CLEC4C: variants seen among roughly 807,000 people sequenced by gnomAD.
CLEC4C encodes C-type (calcium dependent, carbohydrate-recognition domain) lectin, superfamily member 11.
CLEC4C carries 17 observed loss-of-function variants against 27.7 expected under a neutral mutation model. The observed-to-expected ratio is 0.61, with a 90% CI of 0.42 to 0.92. The LOEUF (loss-of-function observed/expected upper bound fraction) is 0.92, where lower values mean the gene tolerates loss of function less well. Among genes scored for constraint, CLEC4C ranks in the 40% least tolerant of loss-of-function variants. CLEC4C has a pLI of 0.00. For missense variants in CLEC4C, 244 were observed against 257.3 expected (o/e 0.95, Z 0.35); for synonymous variants, 80 against 80.8 (o/e 0.99, Z 0.06).
intron 2 of CLEC4C, among the ~76,000 whole-genome samples, chr12:7,745,424 CTTTTTTT>C (rs140956970): frequency 1.0e-4 from 5 of 48,180 alleles, no homozygotes; most frequent in South Asian, 1.4e-3. Context: ...TCAGTCTATG[CTTTTTTT>C]TTTTTTTTTT....
chr12:7,746,282 T>A, intron 2 of CLEC4C, 49 bp downstream of exon 2: 1 of 1,024,390 alleles, frequency 9.8e-7, no homozygotes, highest in Non-Finnish European at 1.5e-6. Context: ...TGATAAAATG[T>A]GATTGGGAAA....
At position 7,732,394 on chromosome 12, in the gene CLEC4C, C is replaced by T. The variant is rs201223231; in HGVS notation, c.382-1482G>A. Among the ~76,000 whole-genome samples, 4 of 151,316 alleles carry T rather than the reference C, an allele frequency of 2.6e-5. No individual in the cohort carries two copies. The East Asian group carries it at 5.9e-4, about 22-fold the overall frequency. ...TTGAGATGGAGTCTCACTCTGTCGC[C>T]AGGCTGGAGTGCAGTGGTGTGATCT... is the stretch of plus-strand genomic sequence containing the variant. On this transcript the variant is annotated intron_variant, in intron 4 of 5. Coordinates refer to ENST00000360345, the MANE Select transcript of CLEC4C (RefSeq NM_001371390.1).
Position 7,729,661 on chromosome 12 carries a change from A to T in CLEC4C, c.577T>A (p.Trp193Arg), listed in dbSNP as rs754055318. 2 of 1,613,782 alleles carry T rather than the reference A, an allele frequency of 1.2e-6. No individual in the cohort carries two copies. The highest frequency in any genetic ancestry group is 1.7e-6 in the Non-Finnish European group (2 of 1,179,654). The part of the protein sequence containing the change: ...INFRSSEEWG[W>R]NDIHCHVPQK... ...GGTACATGACAGTGAATGTCATTCC[A>T]GCCCCATTCTTCTGAAGAACGGAAA... Residue 193 changes from tryptophan to arginine, a missense_variant, in exon 6 of 6, where the codon TGG becomes AGG. Trp to Arg is a moderately radical substitution (Grantham distance 101). Transcript: ENST00000360345.
intron 3 of CLEC4C, among the ~76,000 whole-genome samples, chr12:7,739,042 T>C (rs1006112046): frequency 2.7e-5 from 4 of 147,790 alleles, no homozygotes; most frequent in African/African-American, 9.9e-5. Context: ...TTCCCACCAG[T>C]AGTTTTGAAA....
chr12:7,748,057 G>A (rs1029792252), upstream of CLEC4C, among the ~76,000 whole-genome samples: 2 of 152,078 alleles, frequency 1.3e-5, no homozygotes, highest in Non-Finnish European at 2.9e-5. Context: ...CACGTGCCCG[G>A]CCACTGCTGA....
intron 4 of CLEC4C, among the ~76,000 whole-genome samples, chr12:7,733,607 G>A (rs991061456): frequency 2.7e-5 from 4 of 147,170 alleles, no homozygotes; most frequent in African/African-American, 5.0e-5. Flanking sequence ...TCAGCCTCCC[G>A]AGTAGCTGGA....
Position 7,729,448 on chromosome 12 carries a change from A to T in CLEC4C, c.*148T>A, listed in dbSNP as rs1864537377. 1 of 628,342 alleles carries T rather than the reference A, an allele frequency of 1.6e-6. No individual in the cohort carries two copies. The highest frequency in any genetic ancestry group is 2.0e-5 in the South Asian group (1 of 49,108). The allele number at this position is 628,342 out of a possible 1,614,324, so 38.9% of individuals were successfully genotyped here. A position where few individuals can be genotyped will look rare whatever the true frequency, so the allele number is the denominator to read the frequency against. On this transcript the variant is annotated 3_prime_UTR_variant, in exon 6 of 6. Coordinates refer to ENST00000360345, the MANE Select transcript of CLEC4C (RefSeq NM_001371390.1). ...AATGAATAAATGAATGTGTGAATGG[A>T]TTATATCATAAGTGTAATAGGTGAC... is the stretch of plus-strand genomic sequence containing the variant.
intron 4 of CLEC4C, among the ~76,000 whole-genome samples, chr12:7,737,155 C>A (rs1050996325): frequency 6.6e-6 from 1 of 151,928 alleles, no homozygotes; most frequent in African/African-American, 2.4e-5. Flanking sequence ...CACTTGACCC[C>A]GGGAGGCGGA....
chr12:7,740,872 G>A (rs995315141), intron 3 of CLEC4C, among the ~76,000 whole-genome samples: 3 of 145,574 alleles, frequency 2.1e-5, no homozygotes, highest in African/African-American at 7.6e-5. Context: ...ACGGAGTCTC[G>A]CTCTGTCACC....
chr12:7,739,152 G>A (rs560562315), intron 3 of CLEC4C, among the ~76,000 whole-genome samples: 1 of 151,244 alleles, frequency 6.6e-6, no homozygotes, highest in Non-Finnish European at 1.5e-5. Context: ...TCGCTCTGTC[G>A]CCCAGGCTGG....
At chr12:7,742,492 T>C (rs1463221547) in intron 2 of CLEC4C, among the ~76,000 whole-genome samples, 1 of 123,740 alleles carries the variant, frequency 8.1e-6, no homozygotes, top group African/African-American at 3.1e-5. Context: ...GCCTGGGCAA[T>C]AGAGCCAGAC....
In CLEC4C at chr12:7,746,334, C is replaced by G; in HGVS notation, c.121G>C (p.Val41Leu). Residue 41 changes from valine (V) to leucine (L), a missense_variant, in exon 2 of 6, where the codon GTG becomes CTG. Transcript: ENST00000360345. ...LLSVCFTVSSVVPHNFMYSKT... is the reference protein window; with the variant it reads ...LLSVCFTVSSLVPHNFMYSKT... ...TGCACTCCAGCCAAGAACTTACCCA[C>G]AGAACTCACAGTGAAACAGACACTG... is the stretch of plus-strand genomic sequence containing the variant. 1 of 1,608,224 alleles carries G rather than the reference C, an allele frequency of 6.2e-7. No homozygotes were observed. Among genetic ancestry groups the G allele is most frequent in the African/African-American group, 1.3e-5 (1 of 74,806 alleles).
chr12:7,738,833 A>T (rs1864786735), intron 3 of CLEC4C, among the ~76,000 whole-genome samples: 4 of 152,000 alleles, frequency 2.6e-5, no homozygotes, highest in Admixed American at 2.0e-4. Context: ...GTTTTTAATT[A>T]TACTTTAAGT....
chr12:7,732,196 A>C (rs1173803381), intron 4 of CLEC4C, among the ~76,000 whole-genome samples: 2 of 151,890 alleles, frequency 1.3e-5, no homozygotes, highest in Non-Finnish European at 2.9e-5. Context: ...TGCCTGGTTA[A>C]TTTTTGTATT....
At chr12:7,734,205 T>C (rs1415798122) in intron 4 of CLEC4C, among the ~76,000 whole-genome samples, 2 of 152,210 alleles carry the variant, frequency 1.3e-5, no homozygotes, top group South Asian at 2.1e-4. Flanking sequence ...CATTCATTCA[T>C]TGAACATTCA....
In CLEC4C at chr12:7,745,600, T is replaced by G. The variant is rs185788656; in HGVS notation, c.124+731A>C. Among the ~76,000 whole-genome samples, 145 of 151,450 alleles carry G rather than the reference T, an allele frequency of 9.6e-4. 2 individuals carry two copies. The highest frequency in any genetic ancestry group is 1.1e-3 in the Non-Finnish European group (76 of 67,880). On this transcript the variant is annotated intron_variant, in intron 2 of 5. Transcript: ENST00000360345. ...GGCGCGAGTCACTGCACCCAGCTAATTTTTGTATTTTTAGTAGAGACAGGG... is the reference window on the plus strand; with the variant it reads ...GGCGCGAGTCACTGCACCCAGCTAAGTTTTGTATTTTTAGTAGAGACAGGG...
chr12:7,746,551 G>A (rs775307056), intron 1 of CLEC4C, 128 bp from the exon 2 acceptor site: 2 of 612,182 alleles, frequency 3.3e-6, no homozygotes, highest in South Asian at 4.1e-5. Flanking sequence ...CAGAAAAAAT[G>A]TGAAAGCAAA....
chr12:7,729,489 T>C lies in CLEC4C; in HGVS notation c.*107A>G. 1.0e-6 allele frequency: 1 copy of C among 985,544 alleles called. No homozygotes were observed. The highest frequency in any genetic ancestry group is 1.6e-5 in the South Asian group (1 of 63,728). 61.0% of individuals were successfully genotyped at this position (985,544 alleles called of 1,614,324 possible). A position where few individuals can be genotyped will look rare whatever the true frequency, so the allele number is the denominator to read the frequency against. On this transcript the variant is annotated 3_prime_UTR_variant, in exon 6 of 6. Coordinates refer to ENST00000360345, the MANE Select transcript of CLEC4C (RefSeq NM_001371390.1). ...AATAGGTGACAGCCTGCTGAAACAT[T>C]TTAGGGGCATTCCTTGTACAAAACT...
Position 7,737,584 on chromosome 12 carries a change from T to C in CLEC4C, c.236-10A>G. On this transcript the variant is annotated splice_polypyrimidine_tract_variant and intron_variant, in intron 3 of 5. Coordinates refer to ENST00000360345, the MANE Select transcript of CLEC4C (RefSeq NM_001371390.1). The stretch of plus-strand genomic sequence containing the variant: ...GGGCAGCAGCTCCAATCTTCCCAAA[T>C]GAGTATAGAAGAAGAAAAAATATTA... 1 of 1,610,446 alleles carries C rather than the reference T, an allele frequency of 6.2e-7. No homozygotes were observed. Among genetic ancestry groups the C allele is most frequent in the South Asian group, 1.1e-5 (1 of 90,668 alleles).
Sources: allele counts gnomAD v4.1 joint callset (sites outside exome capture counted in the v4.1 genomes callset), GRCh38; gene constraint gnomAD v4.1.1; transcripts MANE v1.5; gene names NCBI Gene and HGNC (gene_info 2026-07-23, HGNC 2026-07-21).